Variants in ADGRB3 observed in about 807,000 individuals in gnomAD.
The protein encoded by ADGRB3 is adhesion G protein-coupled receptor B3, also known as brain-specific angiogenesis inhibitor 3.
ADGRB3 carries 37 observed loss-of-function variants against 193.4 expected under a neutral mutation model. The ratio of observed to expected loss-of-function variants is 0.19; its 90% CI spans 0.15 to 0.25. The LOEUF (loss-of-function observed/expected upper bound fraction) is 0.25. ADGRB3 is among the 10% of genes least tolerant of loss of function. ADGRB3 has a pLI of 1.00. For missense variants in ADGRB3, 1,637 were observed against 1,852.9 expected, an observed-to-expected ratio of 0.88 and a Z score of 2.14; for synonymous variants, 690 against 644.2, an observed-to-expected ratio of 1.07 and a Z score of -1.08.
At position 69,296,955 on chromosome 6, in the gene ADGRB3, C is replaced by T. The variant is rs146862076; in HGVS notation, c.2815-27917C>T. On this transcript the variant is annotated intron_variant, in intron 20 of 31. Transcript: ENST00000370598. Reference sequence around the variant, plus strand: ...TTTAAACCAATGTAAAAGTGTATGTCAACAGAGTAAAATCAGAGTTTGGTT... The same window carrying T: ...TTTAAACCAATGTAAAAGTGTATGTTAACAGAGTAAAATCAGAGTTTGGTT... 1.0e-3 allele frequency among the ~76,000 whole-genome samples: 154 copies of T among 152,178 alleles called. 1 individual carries two copies. The highest frequency in any genetic ancestry group is 5.2e-3 in the East Asian group (27 of 5,162).
chr6:68,683,957 G>A (rs767792603), intron 3 of ADGRB3, among the ~76,000 whole-genome samples: 15 of 152,034 alleles, frequency 9.9e-5, no homozygotes, highest in Non-Finnish European at 1.9e-4. Flanking sequence ...ACTATCTGAA[G>A]AGGACATCTG....
At chr6:69,132,223 A>G (rs1489719012) in intron 17 of ADGRB3, among the ~76,000 whole-genome samples, 1 of 152,194 alleles carries the variant, frequency 6.6e-6, no homozygotes, top group Non-Finnish European at 1.5e-5. Context: ...TAATGGTTGA[A>G]CTAATTTACA....
At chr6:69,330,842 T>C (rs1266044581) in intron 23 of ADGRB3, among the ~76,000 whole-genome samples, 1 of 152,328 alleles carries the variant, frequency 6.6e-6, no homozygotes, top group African/African-American at 2.4e-5. Context: ...TAAGTTTTAA[T>C]GAATTCTTCC....
chr6:69,377,021 A>G (rs1428910344), intron 30 of ADGRB3, among the ~76,000 whole-genome samples: 1 of 152,094 alleles, frequency 6.6e-6, no homozygotes, highest in Non-Finnish European at 1.5e-5. Flanking sequence ...AAACATAGAC[A>G]CTAAAAATGG....
rs976189551 is a variant in ADGRB3 at position 69,095,767 on chromosome 6, C to T, written c.2480+19729C>T. 9.9e-5 allele frequency among the ~76,000 whole-genome samples: 15 copies of T among 152,206 alleles called. 1 individual carries two copies. In the South Asian group the frequency reaches 2.7e-3, roughly 27 times the overall value. ...AGATGCGTACTGAAATGTATTGCTT[C>T]AATATCACATGATAATACAACATAC... is the stretch of plus-strand genomic sequence containing the variant. On this transcript the variant is annotated intron_variant, in intron 17 of 31. Transcript: ENST00000370598.
chr6:69,043,071 A>G (rs1218799371), intron 13 of ADGRB3, among the ~76,000 whole-genome samples: 1 of 152,120 alleles, frequency 6.6e-6, no homozygotes, highest in Non-Finnish European at 1.5e-5. Flanking sequence ...TCTTGGCTGC[A>G]GTGGAAATAC....
At chr6:69,387,211 C>G (rs1351405101) in intron 31 of ADGRB3, among the ~76,000 whole-genome samples, 1 of 152,138 alleles carries the variant, frequency 6.6e-6, no homozygotes, top group Non-Finnish European at 1.5e-5. Context: ...CTTGAGCTTC[C>G]TAGTGGACCA....
At chr6:68,667,466 T>C (rs950606229) in intron 3 of ADGRB3, among the ~76,000 whole-genome samples, 1 of 151,898 alleles carries the variant, frequency 6.6e-6, no homozygotes, top group African/African-American at 2.4e-5. Flanking sequence ...AAAGAAATTT[T>C]AGGAATGATT....
intron 20 of ADGRB3, among the ~76,000 whole-genome samples, chr6:69,323,907 T>C (rs906072528): frequency 2.0e-5 from 3 of 152,080 alleles, no homozygotes; most frequent in African/African-American, 7.2e-5. Flanking sequence ...TTTCTTTGTA[T>C]TGGTTTTTTT....
chr6:68,733,804 G>T (rs1184187172), intron 3 of ADGRB3, among the ~76,000 whole-genome samples: 1 of 151,922 alleles, frequency 6.6e-6, no homozygotes, highest in Non-Finnish European at 1.5e-5. Context: ...AAGAACGTAA[G>T]AATGTACATG....
intron 20 of ADGRB3, among the ~76,000 whole-genome samples, chr6:69,309,584 A>C (rs1404629717): frequency 6.6e-6 from 1 of 151,710 alleles, no homozygotes; most frequent in Non-Finnish European, 1.5e-5. Flanking sequence ...GGCTTAGACA[A>C]AGACAGATAT....
intron 3 of ADGRB3, among the ~76,000 whole-genome samples, chr6:68,741,976 A>C (rs1273479689): frequency 1.3e-5 from 2 of 152,270 alleles, no homozygotes; most frequent in Non-Finnish European, 1.5e-5. Flanking sequence ...AACTTTGAAC[A>C]CAAGTTTCTG....
chr6:69,104,852 G>A (rs1312873519), intron 17 of ADGRB3, among the ~76,000 whole-genome samples: 1 of 152,024 alleles, frequency 6.6e-6, no homozygotes, highest in African/African-American at 2.4e-5. Context: ...AAACATATGT[G>A]TATTATGTTT....
chr6:69,280,206 G>A (rs1007004224), intron 20 of ADGRB3, among the ~76,000 whole-genome samples: 1 of 152,202 alleles, frequency 6.6e-6, no homozygotes, highest in African/African-American at 2.4e-5. Context: ...AAGGCCAGAT[G>A]GCCTGTGGAA....
At chr6:68,989,474 A>G (rs1384496344) in intron 10 of ADGRB3, among the ~76,000 whole-genome samples, 1 of 152,166 alleles carries the variant, frequency 6.6e-6, no homozygotes. Flanking sequence ...GTCTATAGGA[A>G]AAGGATGGAG....
At chr6:68,985,157 A>G (rs1210068147) in intron 10 of ADGRB3, among the ~76,000 whole-genome samples, 1 of 152,156 alleles carries the variant, frequency 6.6e-6, no homozygotes, top group Admixed American at 6.6e-5. Context: ...ACTTGTATGC[A>G]GGTGCAGGGA....
intron 22 of ADGRB3, 141 bp downstream of exon 22, chr6:69,328,030 G>T: frequency 6.8e-6 from 4 of 584,564 alleles, no homozygotes; most frequent in Non-Finnish European, 1.1e-5. Context: ...ACAAAACAAG[G>T]TAGCTTAAAT....
At chr6:68,699,273 C>T (rs1396235653) in intron 3 of ADGRB3, among the ~76,000 whole-genome samples, 1 of 151,898 alleles carries the variant, frequency 6.6e-6, no homozygotes, top group African/African-American at 2.4e-5. Context: ...GTAAATTACT[C>T]CTATTGAGAG....
At chr6:69,348,435 T>C (rs1561995062) in intron 26 of ADGRB3, among the ~76,000 whole-genome samples, 1 of 144,436 alleles carries the variant, frequency 6.9e-6, no homozygotes, top group Non-Finnish European at 1.5e-5. Context: ...TCACCTGAGA[T>C]CAGGAGTTCA....
Sources: gnomAD v4.1 joint callset for allele counts (sites outside exome capture counted in the v4.1 genomes callset) on GRCh38, gnomAD v4.1.1 for gene constraint, MANE v1.5 for transcripts, NCBI Gene and HGNC (gene_info 2026-07-23, HGNC 2026-07-21) for gene names.